The following NCOA1 variants were observed in gnomAD, a reference collection of about 807,000 sequenced individuals.
NCOA1 encodes the protein nuclear receptor coactivator 1, also known as Hin-2 protein.
In NCOA1, 35 loss-of-function variants were observed where a neutral mutation model predicts 150.9. The ratio of observed to expected loss-of-function variants is 0.23; its 90% CI spans 0.18 to 0.31. The LOEUF (loss-of-function observed/expected upper bound fraction) is 0.31. NCOA1 is among the 10% of genes least tolerant of loss of function. NCOA1 has a pLI of 1.00. For synonymous variants in NCOA1, 590 were observed against 630.0 expected, an observed-to-expected ratio of 0.94 and a Z score of 0.95; for missense variants, 1,491 against 1,749.3, an observed-to-expected ratio of 0.85 and a Z score of 2.63.
At chr2:24,704,634 ATGGTGGTGGGTGCC>A (rs1673321965) in intron 11 of NCOA1, among the ~76,000 whole-genome samples, 2 of 151,924 alleles carry the variant, frequency 1.3e-5, no homozygotes, top group African/African-American at 4.8e-5. Context: ...AAAATTAGCC[ATGGTGGTGGGTGCC>A]TGTAGTCCCA....
At chr2:24,571,710 G>T (rs1296598128) in intron 2 of NCOA1, among the ~76,000 whole-genome samples, 1 of 152,080 alleles carries the variant, frequency 6.6e-6, no homozygotes, top group Non-Finnish European at 1.5e-5. Flanking sequence ...GTATAATTTT[G>T]ATTTTGTAAG....
rs372896193 is a variant in NCOA1, at chr2:24,758,184, C to A, written c.4065+28C>A. The stretch of plus-strand genomic sequence containing the variant: ...AAGTGGCACACTCGCCACACACATG[C>A]CACACCACATCACAGTTAATTCTGA... On this transcript the variant is annotated intron_variant, in intron 21 of 22. Coordinates refer to ENST00000348332, the MANE Select transcript of NCOA1 (RefSeq NM_003743.5). The A allele has an allele frequency of 3.1e-5, 49 of 1,580,538 alleles. 1 individual carries two copies. In the East Asian group the frequency reaches 3.6e-4, roughly 12 times the overall value.
At chr2:24,765,706 C>T (rs1267995954) in intron 22 of NCOA1, among the ~76,000 whole-genome samples, 2 of 152,156 alleles carry the variant, frequency 1.3e-5, no homozygotes, top group African/African-American at 4.8e-5. Flanking sequence ...TGGGACTCAG[C>T]TCTCACACCA....
At chr2:24,756,545 C>T (rs1664510220) in intron 20 of NCOA1, among the ~76,000 whole-genome samples, 1 of 152,106 alleles carries the variant, frequency 6.6e-6, no homozygotes, top group South Asian at 2.1e-4. Context: ...TCCTTCTTAA[C>T]ACTAAGAGCT....
Position 24,572,392 on chromosome 2 carries a change from T to C in NCOA1, c.-260+7962T>C, listed in dbSNP as rs151061085. Reference sequence around the variant, plus strand: ...TTATTGGGGGTGAAGTGGGAACAATTTAGGGAAAATGTGACCTGTCCCAAC... The same window carrying C: ...TTATTGGGGGTGAAGTGGGAACAATCTAGGGAAAATGTGACCTGTCCCAAC... On this transcript the variant is annotated intron_variant, in intron 2 of 22. Transcript: ENST00000348332. 7.9e-5 allele frequency among the ~76,000 whole-genome samples: 12 copies of C among 152,230 alleles called. No individual in the cohort carries two copies. In the East Asian group the frequency reaches 2.1e-3, roughly 27 times the overall value.
At chr2:24,529,525 T>G (rs1002215179) in intron 1 of NCOA1, among the ~76,000 whole-genome samples, 3 of 152,064 alleles carry the variant, frequency 2.0e-5, no homozygotes, top group African/African-American at 7.2e-5. Flanking sequence ...TTTGTTGATA[T>G]AAGGTATTGC....
intron 2 of NCOA1, among the ~76,000 whole-genome samples, chr2:24,576,195 T>G (rs1666979351): frequency 3.5e-5 from 4 of 113,006 alleles, no homozygotes; most frequent in Admixed American, 2.3e-4. Flanking sequence ...TTTTTTTGTT[T>G]GCTAGTCCTT....
chr2:24,701,991 CAG>C (rs764763686), intron 11 of NCOA1, among the ~76,000 whole-genome samples: 25 of 152,276 alleles, frequency 1.6e-4, no homozygotes, highest in Non-Finnish European at 3.2e-4. Flanking sequence ...GCTTGGGTGA[CAG>C]AGGGAGACCC....
chr2:24,558,854 G>A (rs561571932), intron 1 of NCOA1, among the ~76,000 whole-genome samples: 118 of 152,236 alleles, frequency 7.8e-4, no homozygotes, highest in Admixed American at 5.7e-3. Context: ...ATTGGATCCT[G>A]TCTTGGGGTA....
chr2:24,517,452 C>G (rs571120220), intron 1 of NCOA1, among the ~76,000 whole-genome samples: 32 of 152,098 alleles, frequency 2.1e-4, no homozygotes, highest in Middle Eastern at 3.4e-3. Context: ...CTTGGATTTC[C>G]CTTATCTGGA....
rs772970404 is a variant in NCOA1 at position 24,768,516 on chromosome 2, CAAAAAAAAAAAAAA to C, written c.*137_*150del. 9 of 55,200 alleles carry C rather than the reference CAAAAAAAAAAAAAA, an allele frequency of 1.6e-4. 1 individual carries two copies. Among genetic ancestry groups the C allele is most frequent in the Non-Finnish European group, 2.1e-4 (6 of 28,590 alleles). 3.4% of individuals were successfully genotyped at this position (55,200 alleles called of 1,614,324 possible). A position where few individuals can be genotyped will look rare whatever the true frequency, so the allele number is the denominator to read the frequency against. On this transcript the variant is annotated 3_prime_UTR_variant, in exon 23 of 23. Transcript: ENST00000348332. ...ATTCTTCAGGTCGTAGCATTTGGAG[CAAAAAAAAAAAAAA>C]AAAAAAAAAAAGGAGTTTGCTTTTG... is the stretch of plus-strand genomic sequence containing the variant.
intron 7 of NCOA1, among the ~76,000 whole-genome samples, chr2:24,680,694 C>A (rs1672124183): frequency 6.6e-6 from 1 of 151,906 alleles, no homozygotes. Flanking sequence ...TTATTTTATA[C>A]CTGAAAATTG....
In NCOA1 at chr2:24,692,357, C is replaced by G. The variant is rs576214052; in HGVS notation, c.712+697C>G. 2.6e-5 allele frequency among the ~76,000 whole-genome samples: 4 copies of G among 152,282 alleles called. No individual in the cohort carries two copies. The East Asian group carries it at 7.7e-4, about 29-fold the overall frequency. ...AACTGGAGACTTTTTACAAAATACA[C>G]ATGCCAAATCTTACTTGATTAAAGT... On this transcript the variant is annotated intron_variant, in intron 9 of 22. Transcript: ENST00000348332.
intron 19 of NCOA1, among the ~76,000 whole-genome samples, chr2:24,750,449 G>T (rs1373056618): frequency 6.6e-6 from 1 of 152,198 alleles, no homozygotes; most frequent in Non-Finnish European, 1.5e-5. Context: ...TTTATGGTCA[G>T]TTGAGTTTTG....
At chr2:24,715,496 A>G (rs1364595977) in intron 14 of NCOA1, among the ~76,000 whole-genome samples, 2 of 152,184 alleles carry the variant, frequency 1.3e-5, no homozygotes, top group East Asian at 3.8e-4. Flanking sequence ...GCATGTAGAA[A>G]ATCCTAAAGA....
intron 3 of NCOA1, among the ~76,000 whole-genome samples, chr2:24,641,482 T>C (rs1670214669): frequency 6.6e-6 from 1 of 152,118 alleles, no homozygotes; most frequent in South Asian, 2.1e-4. Flanking sequence ...TCTGACTTTA[T>C]CTAGCATCAT....
At chr2:24,727,295 TTTAA>T (rs1254603118) in intron 15 of NCOA1, among the ~76,000 whole-genome samples, 1 of 152,232 alleles carries the variant, frequency 6.6e-6, no homozygotes, top group Non-Finnish European at 1.5e-5. Context: ...CATGTATTAC[TTTAA>T]TTGATTACCA....
At chr2:24,537,006 A>AT (rs1665175764) in intron 1 of NCOA1, among the ~76,000 whole-genome samples, 1 of 152,088 alleles carries the variant, frequency 6.6e-6, no homozygotes. Flanking sequence ...GGTAAAAAAA[A>AT]CTACATATTG....
chr2:24,619,842 A>G (rs973485084), intron 3 of NCOA1, among the ~76,000 whole-genome samples: 8 of 152,294 alleles, frequency 5.3e-5, no homozygotes, highest in African/African-American at 1.9e-4. Context: ...TTGGTGATAA[A>G]TAATAGAGAT....
Sources: allele counts gnomAD v4.1 joint callset (sites outside exome capture counted in the v4.1 genomes callset), GRCh38; gene constraint gnomAD v4.1.1; transcripts MANE v1.5; gene names NCBI Gene and HGNC (gene_info 2026-07-23, HGNC 2026-07-21).